Variants in RADIL observed in about 807,000 individuals in gnomAD.
The protein encoded by RADIL is ras-associating and dilute domain-containing protein.
RADIL carries 99 observed loss-of-function variants against 97.6 expected under a neutral mutation model. The ratio of observed to expected loss-of-function variants is 1.01; its 90% confidence interval spans 0.86 to 1.20. The LOEUF is 1.20. RADIL is among the 50% of genes most tolerant of loss of function. The pLI is 0.00. For synonymous variants in RADIL, 803 were observed against 691.8 expected, an observed-to-expected ratio of 1.16 and a Z score of -2.52; for missense variants, 1,765 against 1,498.9, an observed-to-expected ratio of 1.18 and a Z score of -2.93.
In RADIL at chr7:4,813,333, C is replaced by T. The variant is rs945309803; in HGVS notation, c.2139+1945G>A. On this transcript the variant is annotated intron_variant, in intron 9 of 14. Coordinates refer to ENST00000399583, the MANE Select transcript of RADIL (RefSeq NM_018059.5). This position sits in a 1 kb window ranked among gnomAD's most constrained non-coding sequence, Gnocchi z 5.0. ...TGTTTACTTCCCAAGGGGTCCTGGACTCGTCATCTCTGTCTCCTCTACACT... is the reference window on the plus strand; with the variant it reads ...TGTTTACTTCCCAAGGGGTCCTGGATTCGTCATCTCTGTCTCCTCTACACT... Among the ~76,000 whole-genome samples the T allele has an allele frequency of 6.6e-6, 1 of 152,164 alleles. No homozygotes were observed. The highest frequency in any genetic ancestry group is 2.4e-5 in the African/African-American group (1 of 41,444).
intron 5 of RADIL, among the ~76,000 whole-genome samples, chr7:4,829,128 T>C (rs1262971061): frequency 2.6e-5 from 4 of 151,598 alleles, no homozygotes; most frequent in Non-Finnish European, 5.9e-5. Context: ...TCCTCAACAC[T>C]GAAAGCCCAC....
At position 4,865,752 on chromosome 7, in the gene RADIL, C is replaced by A. The variant is rs879012460; in HGVS notation, c.535+11853G>T. 5.7e-6 allele frequency: 6 copies of A among 1,049,498 alleles called. No homozygotes were observed. The African/African-American group carries it at 9.4e-5, about 16-fold the overall frequency. The allele number at this position is 1,049,498 out of a possible 1,614,324, so 65.0% of individuals were successfully genotyped here. On this transcript the variant is annotated intron_variant, in intron 2 of 14. Coordinates refer to ENST00000399583, the MANE Select transcript of RADIL (RefSeq NM_018059.5). ...TGCAATCAAGAGTGAACTTCAGAACCTGCTTATTTTTTTTGCCCCCCTTCA... is the reference window on the plus strand; with the variant it reads ...TGCAATCAAGAGTGAACTTCAGAACATGCTTATTTTTTTTGCCCCCCTTCA...
intron 5 of RADIL, among the ~76,000 whole-genome samples, chr7:4,823,181 C>A: frequency 6.6e-6 from 1 of 152,094 alleles, no homozygotes; most frequent in East Asian, 1.9e-4. Context: ...TGAGGCCAGG[C>A]GTGGTGGCTC....
In RADIL at chr7:4,807,237, C is replaced by T. The variant is rs564700730; in HGVS notation, c.2140-1521G>A. Among the ~76,000 whole-genome samples, 328 of 152,118 alleles carry T rather than the reference C, an allele frequency of 2.2e-3. 1 individual carries two copies. The highest frequency in any genetic ancestry group is 3.4e-3 in the Middle Eastern group (1 of 294). Reference sequence around the variant, plus strand: ...CCACGCTGAAGGATAATCGGTGTCTCGGGCGTCGTGCAGGAGGGGTGAGGG... The same window carrying T: ...CCACGCTGAAGGATAATCGGTGTCTTGGGCGTCGTGCAGGAGGGGTGAGGG... On this transcript the variant is annotated intron_variant, in intron 9 of 14. Coordinates refer to ENST00000399583, the MANE Select transcript of RADIL (RefSeq NM_018059.5).
intron 12 of RADIL, among the ~76,000 whole-genome samples, chr7:4,800,875 C>A (rs1050888080): frequency 6.6e-6 from 1 of 152,190 alleles, no homozygotes. Flanking sequence ...TGGCCCCAAG[C>A]CACAGGGGAC....
At chr7:4,851,246 G>A (rs1287102370) in intron 2 of RADIL, among the ~76,000 whole-genome samples, 12 of 151,984 alleles carry the variant, frequency 7.9e-5, no homozygotes, top group Admixed American at 7.9e-4. Flanking sequence ...CGGATTTTAG[G>A]GCCAGGAAAT....
At chr7:4,858,561 TA>T (rs878967040) in intron 2 of RADIL, 2 of 152,738 alleles carry the variant, frequency 1.3e-5, no homozygotes, top group South Asian at 2.1e-4. Flanking sequence ...CGTTTAAAAA[TA>T]AAAGTGTTTA....
At chr7:4,857,157 T>C (rs1288001290) in intron 2 of RADIL, among the ~76,000 whole-genome samples, 1 of 152,258 alleles carries the variant, frequency 6.6e-6, no homozygotes, top group Non-Finnish European at 1.5e-5. Flanking sequence ...AGTTATTAGG[T>C]GCAGACAAGT....
At chr7:4,862,906 A>AG (rs1784051535) in intron 2 of RADIL, among the ~76,000 whole-genome samples, 1 of 151,252 alleles carries the variant, frequency 6.6e-6, no homozygotes, top group Admixed American at 6.6e-5. Flanking sequence ...TCAAAAAAAA[A>AG]AATAAAATTA....
Position 4,799,737 on chromosome 7 carries a change from G to C in RADIL, c.3015C>G (p.Ile1005Met). The change falls in exon 14 of 15, where the codon ATC (isoleucine) becomes ATG (methionine). Residue 1005 changes from isoleucine to methionine, a missense_variant. Coordinates refer to ENST00000399583, the MANE Select transcript of RADIL (RefSeq NM_018059.5). ...CGGGGCTGCCCGGGAGCAGGGTCTG[G>C]ATGTAGAGCCCGGGGGCGCCCAGGT... ...HTHLGAPGLYIQTLLPGSPAA... is the reference protein window; with the variant it reads ...HTHLGAPGLYMQTLLPGSPAA... 1.9e-6 allele frequency: 3 copies of C among 1,557,564 alleles called. No homozygotes were observed. Among genetic ancestry groups the C allele is most frequent in the East Asian group, 2.4e-5 (1 of 42,110 alleles).
intron 2 of RADIL, among the ~76,000 whole-genome samples, chr7:4,870,204 G>A (rs751851801): frequency 2.0e-5 from 3 of 152,166 alleles, no homozygotes; most frequent in African/African-American, 4.8e-5. Flanking sequence ...AGGACAGCAC[G>A]GCAGGGAAGG....
intron 2 of RADIL, among the ~76,000 whole-genome samples, chr7:4,870,896 C>G (rs983030365): frequency 6.6e-6 from 1 of 152,206 alleles, no homozygotes; most frequent in African/African-American, 2.4e-5. Flanking sequence ...CCGGGACTCA[C>G]TCAGCTCAGG....
intron 9 of RADIL, chr7:4,809,107 G>A (rs1431041276): frequency 1.0e-6 from 1 of 984,540 alleles, no homozygotes; most frequent in Non-Finnish European, 1.2e-6. Flanking sequence ...TCAGGATGCG[G>A]GGCGCAGGAC....
In RADIL at chr7:4,835,229, A is replaced by G. The variant is rs776336118; in HGVS notation, c.794T>C (p.Val265Ala). ...GTGCCGGTCCCGGTTGAGCACATAC[A>G]CCAGGCTGTCCTGAAACAGAGACTC... Reference protein sequence around the residue: ...QGYSQQHDSLVYVLNRDRHTV... With the variant: ...QGYSQQHDSLAYVLNRDRHTV... Residue 265 changes from valine to alanine, a missense_variant, in exon 4 of 15, where the codon GTG becomes GCG. Physicochemically the swap from Val to Ala is moderately conservative, Grantham distance 64. Transcript: ENST00000399583. The surrounding 1 kb of genome is among the most constrained non-coding windows in gnomAD (Gnocchi z 5.8). 5 of 1,609,830 alleles carry G rather than the reference A, an allele frequency of 3.1e-6. No individual in the cohort carries two copies. In the East Asian group the frequency reaches 1.1e-4, roughly 36 times the overall value.
At chr7:4,808,765 C>T (rs1443157381) in intron 9 of RADIL, 29 of 972,026 alleles carry the variant, frequency 3.0e-5, no homozygotes, top group East Asian at 1.2e-4. Flanking sequence ...CACTGCCCCC[C>T]GTTCCGACGC....
intron 2 of RADIL, chr7:4,861,481 C>T (rs1023397543): frequency 2.5e-6 from 4 of 1,614,094 alleles, no homozygotes; most frequent in Admixed American, 1.7e-5. Context: ...CTGCGCCTTT[C>T]GTATGTACTC....
At chr7:4,866,985 C>G (rs927354956) in intron 2 of RADIL, among the ~76,000 whole-genome samples, 5 of 152,206 alleles carry the variant, frequency 3.3e-5, no homozygotes, top group African/African-American at 1.2e-4. Context: ...AGGTTTCCCT[C>G]TTTGCACCTG....
chr7:4,867,868 C>T lies in RADIL; in HGVS notation c.535+9737G>A, dbSNP rs1784164079. Among the ~76,000 whole-genome samples the T allele has an allele frequency of 6.6e-6, 1 of 152,176 alleles. No homozygotes were observed. Among genetic ancestry groups the T allele is most frequent in the African/African-American group, 2.4e-5 (1 of 41,438 alleles). On this transcript the variant is annotated intron_variant, in intron 2 of 14. Coordinates refer to ENST00000399583, the MANE Select transcript of RADIL (RefSeq NM_018059.5). The surrounding 1 kb of genome is among the most constrained non-coding windows in gnomAD (Gnocchi z 4.1). ...AAATGATCCTATCCATCCACCAGAG[C>T]ATCTGCCAACAGATTGGAAACCCAT... is the stretch of plus-strand genomic sequence containing the variant.
chr7:4,868,998 C>T (rs1467274727), intron 2 of RADIL, among the ~76,000 whole-genome samples: 4 of 152,142 alleles, frequency 2.6e-5, no homozygotes, highest in African/African-American at 9.6e-5. Flanking sequence ...CTCATGGCAG[C>T]TGTCTGTGAT....
Sources: allele counts gnomAD v4.1 joint callset (sites outside exome capture counted in the v4.1 genomes callset), GRCh38; gene constraint gnomAD v4.1.1; non-coding constraint Gnocchi (gnomAD v3.1); transcripts MANE v1.5; gene names NCBI Gene and HGNC (gene_info 2026-07-23, HGNC 2026-07-21).